CSMD1: variants seen among roughly 807,000 people sequenced by gnomAD.
CSMD1 encodes the protein CUB and Sushi multiple domains 1, also known as CUB and sushi domain-containing protein 1.
CSMD1 carries 213 observed loss-of-function variants against 417.5 expected under a neutral mutation model. The observed-to-expected ratio is 0.51, with a 90% CI of 0.46 to 0.57. CSMD1 has a LOEUF of 0.57. CSMD1 is among the 20% of genes least tolerant of loss of function. The pLI is 0.00. For missense variants in CSMD1, 6,923 were observed against 4,529.7 expected (o/e 1.53, Z -15.17); for synonymous variants, 2,862 against 1,736.8 (o/e 1.65, Z -16.11).
At chr8:3,937,188 G>A (rs11990113) in intron 5 of CSMD1, among the ~76,000 whole-genome samples, 51,512 of 151,942 alleles carry the variant, frequency 0.34, 8,971 homozygotes, top group African/African-American at 0.43. Flanking sequence ...TGAAGATGCT[G>A]TGAACATTGT....
chr8:4,181,718 A>C (rs767483292), intron 3 of CSMD1, among the ~76,000 whole-genome samples: 6 of 139,534 alleles, frequency 4.3e-5, no homozygotes, highest in Non-Finnish European at 6.2e-5. Flanking sequence ...TCCCCTCAGA[A>C]ATTCTAAACA....
At chr8:4,346,673 T>C (rs1313841766) in intron 3 of CSMD1, among the ~76,000 whole-genome samples, 4 of 152,212 alleles carry the variant, frequency 2.6e-5, no homozygotes, top group Non-Finnish European at 5.9e-5. Context: ...ATTTTTTTTC[T>C]AATTTGCCTC....
chr8:3,394,012 T>C (rs1379713051), intron 17 of CSMD1, among the ~76,000 whole-genome samples: 1 of 31,632 alleles, frequency 3.2e-5, no homozygotes, highest in Admixed American at 4.4e-4. Context: ...AAAAAATAAA[T>C]TATATATATA....
chr8:3,797,924 C>T (rs945307709), intron 5 of CSMD1, among the ~76,000 whole-genome samples: 1 of 151,936 alleles, frequency 6.6e-6, no homozygotes, highest in Admixed American at 6.6e-5. Flanking sequence ...TTGATATTGT[C>T]AAGTTTTGTA....
At chr8:3,955,261 C>A (rs929282413) in intron 5 of CSMD1, among the ~76,000 whole-genome samples, 1 of 152,164 alleles carries the variant, frequency 6.6e-6, no homozygotes, top group Non-Finnish European at 1.5e-5. Context: ...GCAATGCCAA[C>A]CAACATGCAA....
chr8:4,972,283 C>T (rs559291916), intron 1 of CSMD1, among the ~76,000 whole-genome samples: 8 of 145,688 alleles, frequency 5.5e-5, no homozygotes, highest in African/African-American at 2.3e-4. Flanking sequence ...TCTGTCACCA[C>T]CAAAAATTTC....
At chr8:4,944,011 A>G (rs1808204160) in intron 1 of CSMD1, among the ~76,000 whole-genome samples, 1 of 152,214 alleles carries the variant, frequency 6.6e-6, no homozygotes, top group Admixed American at 6.5e-5. Context: ...GTAGTAAAAA[A>G]GACTTGGGAA....
At chr8:3,751,688 T>C (rs1047485830) in intron 6 of CSMD1, among the ~76,000 whole-genome samples, 1 of 152,190 alleles carries the variant, frequency 6.6e-6, no homozygotes, top group Middle Eastern at 3.4e-3. Context: ...TGATTGCTAT[T>C]TTCTGCCAAC....
At chr8:2,947,883 C>T (rs1563171165) in intron 68 of CSMD1, among the ~76,000 whole-genome samples, 1 of 151,516 alleles carries the variant, frequency 6.6e-6, no homozygotes, top group Non-Finnish European at 1.5e-5. Flanking sequence ...TTTAATAATA[C>T]TGTGGGTTGA....
chr8:2,956,900 T>C (rs1333379109), intron 63 of CSMD1, among the ~76,000 whole-genome samples: 1 of 152,188 alleles, frequency 6.6e-6, no homozygotes, highest in Non-Finnish European at 1.5e-5. Context: ...TATATACATA[T>C]ATATGTACAT....
intron 3 of CSMD1, among the ~76,000 whole-genome samples, chr8:4,346,871 T>C (rs1800805013): frequency 6.6e-6 from 1 of 152,174 alleles, no homozygotes; most frequent in South Asian, 2.1e-4. Flanking sequence ...TCTCTCAACA[T>C]GTCATTCTGG....
intron 69 of CSMD1, among the ~76,000 whole-genome samples, chr8:2,940,960 C>G (rs1329644312): frequency 2.6e-5 from 4 of 152,122 alleles, no homozygotes; most frequent in African/African-American, 7.2e-5. Flanking sequence ...TTGTGTATAT[C>G]CCTTTAAGAA....
chr8:4,606,458 A>G (rs1233170071), intron 2 of CSMD1, among the ~76,000 whole-genome samples: 1 of 151,954 alleles, frequency 6.6e-6, no homozygotes, highest in African/African-American at 2.4e-5. Context: ...TCCTGCTGTG[A>G]TTACAACATC....
At chr8:3,972,561 G>A (rs193261659) in intron 5 of CSMD1, among the ~76,000 whole-genome samples, 14 of 152,272 alleles carry the variant, frequency 9.2e-5, no homozygotes, top group Middle Eastern at 3.4e-3. Flanking sequence ...ATTGCTCACA[G>A]GGCCTCTTAT....
intron 7 of CSMD1, among the ~76,000 whole-genome samples, chr8:3,641,346 A>G (rs1232871185): frequency 4.6e-5 from 7 of 152,080 alleles, no homozygotes; most frequent in Non-Finnish European, 8.8e-5. Flanking sequence ...ACAATCCCCA[A>G]GTGGAGCCCT....
At chr8:4,491,375 A>G (rs1801690847) in intron 2 of CSMD1, among the ~76,000 whole-genome samples, 2 of 152,152 alleles carry the variant, frequency 1.3e-5, no homozygotes, top group South Asian at 4.1e-4. Flanking sequence ...AACATCCATT[A>G]TAGCGATCAG....
chr8:4,081,861 A>G (rs549105482), intron 3 of CSMD1, among the ~76,000 whole-genome samples: 3 of 152,318 alleles, frequency 2.0e-5, no homozygotes, highest in Admixed American at 6.5e-5. Context: ...AATTAGAAAA[A>G]TAAGACATAT....
At chr8:3,985,291 C>A (rs547061888) in intron 5 of CSMD1, among the ~76,000 whole-genome samples, 1 of 152,280 alleles carries the variant, frequency 6.6e-6, no homozygotes, top group African/African-American at 2.4e-5. Context: ...AGCACATTTG[C>A]AGATAATAAA....
At chr8:4,940,951 G>C (rs1233764027) in intron 1 of CSMD1, among the ~76,000 whole-genome samples, 4 of 152,246 alleles carry the variant, frequency 2.6e-5, no homozygotes, top group Non-Finnish European at 1.5e-5. Context: ...ACAGTTCTTA[G>C]ATCTAGATGG....
Sources: gnomAD v4.1 joint callset for allele counts (sites outside exome capture counted in the v4.1 genomes callset) on GRCh38, gnomAD v4.1.1 for gene constraint, MANE v1.5 for transcripts, NCBI Gene and HGNC (gene_info 2026-07-23, HGNC 2026-07-21) for gene names.